Variants in PROX2 observed in about 807,000 individuals in gnomAD.
PROX2 encodes prospero homeobox 2.
In PROX2, 46 loss-of-function variants were observed where a neutral mutation model predicts 48.9. The ratio of observed to expected loss-of-function variants is 0.94; its 90% CI spans 0.74 to 1.20. The LOEUF (loss-of-function observed/expected upper bound fraction) is 1.20. Among genes scored for constraint, PROX2 ranks in the 50% most tolerant of loss-of-function variants. PROX2 has a pLI of 0.00. For synonymous variants in PROX2, 260 were observed against 276.6 expected, an observed-to-expected ratio of 0.94 and a Z score of 0.60; for missense variants, 663 against 719.4, an observed-to-expected ratio of 0.92 and a Z score of 0.90.
At chr14:74,873,171 G>A (rs1883256047) in intron 1 of PROX2, among the ~76,000 whole-genome samples, 1 of 152,068 alleles carries the variant, frequency 6.6e-6, no homozygotes, top group Non-Finnish European at 1.5e-5. Context: ...TTTTAGTAGA[G>A]GCGGGGTTTC....
At chr14:74,856,116 T>C (rs548077901) in intron 5 of PROX2, 3 of 152,350 alleles carry the variant, frequency 2.0e-5, no homozygotes, top group Admixed American at 2.0e-4. Flanking sequence ...GTGTAATCTG[T>C]GACCAGATAT....
intron 4 of PROX2, chr14:74,858,143 T>C (rs922074654): frequency 1.9e-5 from 6 of 322,690 alleles, no homozygotes; most frequent in African/African-American, 1.1e-4. Context: ...TGTTTCCCTC[T>C]ACTTTTCCTG....
rs1883167671 is a variant in PROX2 at position 74,869,828 on chromosome 14, TA to T, written c.-175+1274del. Among the ~76,000 whole-genome samples, 3 of 152,310 alleles carry T rather than the reference TA, an allele frequency of 2.0e-5. No individual in the cohort carries two copies. The South Asian group carries it at 6.2e-4, about 32-fold the overall frequency. On this transcript the variant is annotated intron_variant, in intron 2 of 5. Transcript: ENST00000556489. ...TCAGTAATCTTGCTCAGTTTTCATA[TA>T]TTTTTTGGAAATATTCATGGATTGT... is the stretch of plus-strand genomic sequence containing the variant.
rs1029859451 is a variant in PROX2, at chr14:74,868,750, T to C, written c.-175+2353A>G. ...TACTCGGGAGGCTGAGGCAGAAGAA[T>C]GGCGTGAACCCAGGGGGGCGGAGCC... On this transcript the variant is annotated intron_variant, in intron 2 of 5. Coordinates refer to ENST00000556489, the MANE Select transcript of PROX2 (RefSeq NM_001243007.2). Among the ~76,000 whole-genome samples the C allele has an allele frequency of 4.0e-5, 6 of 151,300 alleles. No individual in the cohort carries two copies. The South Asian group carries it at 1.3e-3, about 32-fold the overall frequency.
intron 3 of PROX2, chr14:74,858,842 TTGTGTG>T (rs199587376): frequency 0.048 from 7,700 of 162,060 alleles, 452 homozygotes; most frequent in African/African-American, 0.16. Flanking sequence ...GGTTGGTGTA[TTGTGTG>T]TGTGTGTGTG....
At chr14:74,873,008 T>C (rs897065509) in intron 1 of PROX2, among the ~76,000 whole-genome samples, 1 of 152,074 alleles carries the variant, frequency 6.6e-6, no homozygotes, top group Non-Finnish European at 1.5e-5. Flanking sequence ...TCTTTTGAGA[T>C]GGAGTCTCGC....
Position 74,873,246 on chromosome 14 carries a change from A to G in PROX2, c.-309-2009T>C, listed in dbSNP as rs567682268. Among the ~76,000 whole-genome samples the G allele has an allele frequency of 1.4e-3, 209 of 152,216 alleles. 1 individual carries two copies. The highest frequency in any genetic ancestry group is 3.4e-3 in the Middle Eastern group (1 of 294). ...GATCTGCCCGCCTTGGCCTCCCAAA[A>G]TGCTGGAATTACAGTCAGTCGTGAG... On this transcript the variant is annotated intron_variant, in intron 1 of 5. Coordinates refer to ENST00000556489, the MANE Select transcript of PROX2 (RefSeq NM_001243007.2).
At chr14:74,861,987 A>G (rs1411430715) in intron 3 of PROX2, among the ~76,000 whole-genome samples, 2 of 152,154 alleles carry the variant, frequency 1.3e-5, no homozygotes, top group Non-Finnish European at 1.5e-5. Flanking sequence ...TTGAGTCTCA[A>G]AACAAAACCC....
chr14:74,862,464 G>C (rs2091801692), intron 3 of PROX2, 66 bp downstream of exon 3: 1 of 1,542,830 alleles, frequency 6.5e-7, no homozygotes, highest in African/African-American at 1.4e-5. Context: ...AAAGCACTGG[G>C]ATTACAAGCA....
chr14:74,862,440 C>T (rs1316440901), intron 3 of PROX2, 90 bp downstream of exon 3: 35 of 1,446,658 alleles, frequency 2.4e-5, no homozygotes, highest in Non-Finnish European at 3.1e-5. Context: ...GTAATCCTCC[C>T]ACCTTGGCCT....
chr14:74,863,942 GC>G lies in PROX2; in HGVS notation c.-109del. 7.8e-7 allele frequency: 1 copy of G among 1,284,594 alleles called. No individual in the cohort carries two copies. The highest frequency in any genetic ancestry group is 9.9e-7 in the Non-Finnish European group (1 of 1,009,672). The allele number at this position is 1,284,594 out of a possible 1,614,324, so 79.6% of individuals were successfully genotyped here. ...TCCTCTGCACTTAGAAGGGTAAAGAGCCACTGTCACTGAGGAAGGATTCAGA... is the reference window on the plus strand; with the variant it reads ...TCCTCTGCACTTAGAAGGGTAAAGAGCACTGTCACTGAGGAAGGATTCAGA... On this transcript the variant is annotated 5_prime_UTR_variant, in exon 3 of 6. It removes the in-frame stop codon of an upstream open reading frame in the 5' UTR. Coordinates refer to ENST00000556489, the MANE Select transcript of PROX2 (RefSeq NM_001243007.2).
At chr14:74,873,642 G>A (rs571451765) in intron 1 of PROX2, 5 of 320,316 alleles carry the variant, frequency 1.6e-5, no homozygotes, top group African/African-American at 6.6e-5. Context: ...CTGAGATCCT[G>A]TGCCTTCAAA....
chr14:74,859,385 C>T (rs1008199099), intron 3 of PROX2: 4 of 152,152 alleles, frequency 2.6e-5, no homozygotes, highest in African/African-American at 9.7e-5. Flanking sequence ...TGTGCCTAGC[C>T]CAGTGCTAGG....
At chr14:74,861,741 T>C (rs2091796300) in intron 3 of PROX2, among the ~76,000 whole-genome samples, 1 of 152,208 alleles carries the variant, frequency 6.6e-6, no homozygotes, top group Non-Finnish European at 1.5e-5. Flanking sequence ...TCTCTGGGTT[T>C]AATCCCCGAG....
At position 74,863,501 on chromosome 14, in the gene PROX2, G is replaced by A. The variant is rs943339551; in HGVS notation, c.334C>T (p.Gln112Ter). The A allele has an allele frequency of 1.2e-6, 2 of 1,613,650 alleles. No individual in the cohort carries two copies. The highest frequency in any genetic ancestry group is 4.5e-5 in the East Asian group (2 of 44,868). Reference sequence around the variant, plus strand: ...GCAGGGGCTGGCATCAGGAGGCCTTGCGGTGTGGGAAGGTTCTGCTTCCTC... The same window carrying A: ...GCAGGGGCTGGCATCAGGAGGCCTTACGGTGTGGGAAGGTTCTGCTTCCTC... ...RKRKQNLPTP[Q>*]GLLMPAPAWD... is the part of the protein sequence containing the mutation. Residue 112 changes from glutamine (Q) to a stop codon, truncating the protein, a stop_gained, in exon 3 of 6, where the codon CAA (glutamine) becomes TAA (stop). Transcript: ENST00000556489. LOFTEE classifies it high-confidence loss of function.
At chr14:74,875,380 G>A (rs1031259411) in intron 1 of PROX2, among the ~76,000 whole-genome samples, 1 of 152,260 alleles carries the variant, frequency 6.6e-6, no homozygotes, top group Admixed American at 6.5e-5. Context: ...GAGAGGTAAG[G>A]TGACATGCCC....
In PROX2 at chr14:74,853,331, A is replaced by G. The variant is rs2091718793; in HGVS notation, c.*1801T>C. The G allele has an allele frequency of 2.0e-5, 3 of 152,210 alleles. No homozygotes were observed. The highest frequency in any genetic ancestry group is 7.2e-5 in the African/African-American group (3 of 41,450). The allele number at this position is 152,210 out of a possible 1,614,324, so 9.4% of individuals were successfully genotyped here. A position where few individuals can be genotyped will look rare whatever the true frequency, so the allele number is the denominator to read the frequency against. On this transcript the variant is annotated 3_prime_UTR_variant, in exon 6 of 6. Transcript: ENST00000556489. ...GTCACTCTGGATAGAGGGTTCTTCT[A>G]CTATGTCCGGACACAGAAAACTGAT...
chr14:74,862,940 G>A lies in PROX2; in HGVS notation c.895C>T (p.Pro299Ser). 1 of 1,613,886 alleles carries A rather than the reference G, an allele frequency of 6.2e-7. No individual in the cohort carries two copies. The highest frequency in any genetic ancestry group is 8.5e-7 in the Non-Finnish European group (1 of 1,179,854). ...TTGGCCAGTGATAAATTTCCTACTGGGACCCCAGCTTGTAGCTGGACCCTC... is the reference window on the plus strand; with the variant it reads ...TTGGCCAGTGATAAATTTCCTACTGAGACCCCAGCTTGTAGCTGGACCCTC... ...PRRVQLQAGV[P>S]VGNLSLAKRL... The change falls in exon 3 of 6, where the codon CCA becomes TCA. Residue 299 changes from proline to serine, a missense_variant. Physicochemically the swap from Pro to Ser is moderately conservative, Grantham distance 74. Coordinates refer to ENST00000556489, the MANE Select transcript of PROX2 (RefSeq NM_001243007.2).
At position 74,862,628 on chromosome 14, in the gene PROX2, AGGT is replaced by A; in HGVS notation, c.1204_1206del (p.Thr402del). 2 of 1,614,000 alleles carry A rather than the reference AGGT, an allele frequency of 1.2e-6. No homozygotes were observed. The highest frequency in any genetic ancestry group is 1.7e-6 in the Non-Finnish European group (2 of 1,179,888). On this transcript the variant is annotated inframe_deletion, in exon 3 of 6. Coordinates refer to ENST00000556489, the MANE Select transcript of PROX2 (RefSeq NM_001243007.2). ...AGGGGTAGACTTTCCAGATGGGCAG[AGGT>A]GAAAGGCAAGGGACACTGCTGCTGG...
Sources: gnomAD v4.1 joint callset for allele counts (sites outside exome capture counted in the v4.1 genomes callset) on GRCh38, gnomAD v4.1.1 for gene constraint, MANE v1.5 for transcripts, NCBI Gene and HGNC (gene_info 2026-07-23, HGNC 2026-07-21) for gene names.